MAPKAP1: variants seen among roughly 807,000 people sequenced by gnomAD.
The protein encoded by MAPKAP1 is MAPK associated protein 1, also known as target of rapamycin complex 2 subunit MAPKAP1.
In MAPKAP1, 20 loss-of-function variants were observed where a neutral mutation model predicts 65.7. The ratio of observed to expected loss-of-function variants is 0.30; its 90% CI spans 0.21 to 0.44. The LOEUF is 0.44. MAPKAP1 is among the 20% of genes least tolerant of loss of function. The pLI, the probability that MAPKAP1 is intolerant of heterozygous loss-of-function variation, is 1.00. For missense variants in MAPKAP1, 423 were observed against 648.0 expected, an observed-to-expected ratio of 0.65 and a Z score of 3.77; for synonymous variants, 222 against 244.3, an observed-to-expected ratio of 0.91 and a Z score of 0.85.
chr9:125,573,670 C>G (rs984518815), intron 5 of MAPKAP1, among the ~76,000 whole-genome samples: 1 of 152,194 alleles, frequency 6.6e-6, no homozygotes, highest in Admixed American at 6.5e-5. Flanking sequence ...CAATCCCACT[C>G]TGTTCTCCCT....
chr9:125,692,478 T>C (rs778651831), intron 1 of MAPKAP1, among the ~76,000 whole-genome samples: 6 of 152,216 alleles, frequency 3.9e-5, no homozygotes, highest in South Asian at 2.1e-4. Flanking sequence ...AGATTAATGG[T>C]TGCCAGCAGC....
At position 125,553,974 on chromosome 9, in the gene MAPKAP1, T is replaced by C. The variant is rs985664364; in HGVS notation, c.848+5659A>G. ...ATTGCTCGAGCCTGGGAGGCAGAGG[T>C]TGCAGTGAGCCAAGATGATGTCACT... is the stretch of plus-strand genomic sequence containing the variant. On this transcript the variant is annotated intron_variant, in intron 6 of 11. Transcript: ENST00000265960. Among the ~76,000 whole-genome samples, 12 of 151,894 alleles carry C rather than the reference T, an allele frequency of 7.9e-5. No individual in the cohort carries two copies. The South Asian group carries it at 8.3e-4, about 11-fold the overall frequency.
intron 7 of MAPKAP1, among the ~76,000 whole-genome samples, chr9:125,513,845 G>A (rs1450321169): frequency 6.6e-6 from 1 of 152,134 alleles, no homozygotes; most frequent in Non-Finnish European, 1.5e-5. Context: ...TCCAAAGTAG[G>A]GGTGCAGGGT....
chr9:125,679,291 C>T (rs988010073), intron 1 of MAPKAP1, among the ~76,000 whole-genome samples: 5 of 152,170 alleles, frequency 3.3e-5, no homozygotes, highest in African/African-American at 1.2e-4. Flanking sequence ...CGTGAGCCAC[C>T]GTGCCCAGCT....
intron 1 of MAPKAP1, among the ~76,000 whole-genome samples, chr9:125,683,144 GATGGAGTTTCACT>G (rs1195636515): frequency 6.6e-6 from 1 of 151,954 alleles, no homozygotes; most frequent in African/African-American, 2.4e-5. Flanking sequence ...TTTTAGTAGA[GATGGAGTTTCACT>G]ATGTTGGGCA....
At chr9:125,512,487 T>C (rs561475259) in intron 7 of MAPKAP1, among the ~76,000 whole-genome samples, 13 of 152,366 alleles carry the variant, frequency 8.5e-5, no homozygotes, top group African/African-American at 2.6e-4. Flanking sequence ...TGCATTTCTC[T>C]GCCAGCTCCT....
intron 1 of MAPKAP1, among the ~76,000 whole-genome samples, chr9:125,685,680 C>T (rs1418341455): frequency 6.6e-6 from 1 of 152,220 alleles, no homozygotes; most frequent in Non-Finnish European, 1.5e-5. Flanking sequence ...AATCTGTTTA[C>T]ATGTTGGTTT....
At chr9:125,466,878 G>A (rs1443282444) in intron 10 of MAPKAP1, among the ~76,000 whole-genome samples, 1 of 152,228 alleles carries the variant, frequency 6.6e-6, no homozygotes, top group Non-Finnish European at 1.5e-5. Flanking sequence ...AAGCAATGTG[G>A]CATGTGCCCA....
intron 1 of MAPKAP1, among the ~76,000 whole-genome samples, chr9:125,685,021 A>T (rs1834933864): frequency 6.6e-6 from 1 of 152,168 alleles, no homozygotes; most frequent in African/African-American, 2.4e-5. Context: ...TAGTTCTACC[A>T]AATAATTAAC....
chr9:125,578,293 C>G (rs1026828839), intron 5 of MAPKAP1, among the ~76,000 whole-genome samples: 51 of 151,874 alleles, frequency 3.4e-4, no homozygotes, highest in African/African-American at 1.2e-3. Flanking sequence ...ACAAACACTG[C>G]GGAAGGCCGC....
intron 1 of MAPKAP1, 78 bp downstream of exon 1, chr9:125,706,893 G>A: frequency 2.6e-6 from 1 of 382,312 alleles, no homozygotes. Context: ...TGAAACTGGA[G>A]GGGTGAGAGG....
At chr9:125,673,784 AT>A in intron 1 of MAPKAP1, among the ~76,000 whole-genome samples, 2 of 151,406 alleles carry the variant, frequency 1.3e-5, no homozygotes, top group East Asian at 3.9e-4. Context: ...AATAATTATT[AT>A]TTTTTAATTA....
intron 8 of MAPKAP1, among the ~76,000 whole-genome samples, chr9:125,498,550 A>ACT (rs1828874796): frequency 6.6e-6 from 1 of 152,212 alleles, no homozygotes; most frequent in Non-Finnish European, 1.5e-5. Context: ...TTTCTGCAGG[A>ACT]CTAGGTATGA....
Position 125,585,683 on chromosome 9 carries a change from G to A in MAPKAP1, c.543C>T (p.Leu181=). ...GTCTGTCCTGGCTCGAGTGCAGAGGGAGGTAGACATCGATCTTCTTGGTTG... is the reference window on the plus strand; with the variant it reads ...GTCTGTCCTGGCTCGAGTGCAGAGGAAGGTAGACATCGATCTTCTTGGTTG... ...TTATKKIDVY[L]PLHSSQDRLL... is the part of the protein sequence containing the mutation. The change falls in exon 5 of 12, where the codon CTC becomes CTT. Residue 181 remains leucine (L), a synonymous_variant. Coordinates refer to ENST00000265960, the MANE Select transcript of MAPKAP1 (RefSeq NM_001006617.3). The A allele has an allele frequency of 6.2e-7, 1 of 1,614,216 alleles. No homozygotes were observed. The highest frequency in any genetic ancestry group is 8.5e-7 in the Non-Finnish European group (1 of 1,180,048).
chr9:125,534,055 C>T (rs550529344), intron 7 of MAPKAP1, among the ~76,000 whole-genome samples: 22 of 152,214 alleles, frequency 1.4e-4, no homozygotes, highest in African/African-American at 2.2e-4. Flanking sequence ...GACATAATTA[C>T]CCTAAAAACC....
chr9:125,456,586 G>C (rs1307147519), intron 10 of MAPKAP1, among the ~76,000 whole-genome samples: 1 of 152,196 alleles, frequency 6.6e-6, no homozygotes, highest in African/African-American at 2.4e-5. Context: ...TCACTTCTGT[G>C]AATAAGTTAT....
In MAPKAP1 at chr9:125,595,040, T is replaced by C. The variant is rs1832085504; in HGVS notation, c.499-9313A>G. Among the ~76,000 whole-genome samples, 1 of 152,260 alleles carries C rather than the reference T, an allele frequency of 6.6e-6. No homozygotes were observed. ...TTCTTTTAACACATGATTTAAACAC[T>C]TGCATTATATTATAGCATATGGTGG... On this transcript the variant is annotated intron_variant, in intron 4 of 11. Transcript: ENST00000265960. The surrounding 1 kb of genome is among the most constrained non-coding windows in gnomAD (Gnocchi z 4.0).
chr9:125,447,719 C>T lies in MAPKAP1; in HGVS notation c.1346-3121G>A, dbSNP rs779989048. On this transcript the variant is annotated intron_variant, in intron 10 of 11. Coordinates refer to ENST00000265960, the MANE Select transcript of MAPKAP1 (RefSeq NM_001006617.3). The surrounding 1 kb of genome is among the most constrained non-coding windows in gnomAD (Gnocchi z 4.5). ...ATATGATGAGCGTGAAGAAGGTAAA[C>T]GCAGGGAGCTGCCGTGGAGACACCA... Among the ~76,000 whole-genome samples the T allele has an allele frequency of 4.6e-5, 7 of 152,020 alleles. No individual in the cohort carries two copies. The highest frequency in any genetic ancestry group is 3.4e-3 in the Middle Eastern group (1 of 294).
At chr9:125,640,800 A>G (rs551352783) in intron 4 of MAPKAP1, among the ~76,000 whole-genome samples, 2 of 152,358 alleles carry the variant, frequency 1.3e-5, no homozygotes, top group South Asian at 4.1e-4. Flanking sequence ...ACTCTTCTAG[A>G]ACCAAGCTGG....
Sources: allele counts gnomAD v4.1 joint callset (sites outside exome capture counted in the v4.1 genomes callset), GRCh38; gene constraint gnomAD v4.1.1; non-coding constraint Gnocchi (gnomAD v3.1); transcripts MANE v1.5; gene names NCBI Gene and HGNC (gene_info 2026-07-23, HGNC 2026-07-21).